Variants in DHRSX observed in about 807,000 individuals in gnomAD.
DHRSX encodes the protein dehydrogenase/reductase X-linked.
A neutral mutation model predicts 34.0 loss-of-function variants in DHRSX; 31 were observed. The ratio of observed to expected loss-of-function variants is 0.91; its 90% confidence interval spans 0.69 to 1.23. DHRSX has a LOEUF of 1.23. DHRSX is among the 50% of genes most tolerant of loss of function. DHRSX has a pLI of 0.00. For synonymous variants in DHRSX, 201 were observed against 183.8 expected (o/e 1.09, Z -0.76); for missense variants, 414 against 428.1 (o/e 0.97, Z 0.29).
chrX:2,222,259 T>C (rs191623665), intron 6 of DHRSX, among the ~76,000 whole-genome samples: 46 of 152,324 alleles, frequency 3.0e-4, no homozygotes, highest in African/African-American at 1.1e-3. Context: ...TCTCATTGCA[T>C]AGGTATGATT....
chrX:2,269,860 G>T (rs1455563040), intron 4 of DHRSX, among the ~76,000 whole-genome samples: 2 of 152,146 alleles, frequency 1.3e-5, no homozygotes. Context: ...TTTATATGGA[G>T]ATATGTATAT....
chrX:2,294,789 G>C (rs2041911772), intron 3 of DHRSX, among the ~76,000 whole-genome samples: 1 of 137,418 alleles, frequency 7.3e-6, no homozygotes, highest in South Asian at 2.4e-4. Context: ...AGAGGAAAAA[G>C]AGAGGGAGAG....
chrX:2,371,658 C>A (rs1472241549), intron 3 of DHRSX, among the ~76,000 whole-genome samples: 1 of 149,716 alleles, frequency 6.7e-6, no homozygotes, highest in South Asian at 2.1e-4. Context: ...CACTCCTCCC[C>A]TTACCATAGT....
chrX:2,500,846 C>G lies in DHRSX; in HGVS notation c.80G>C (p.Arg27Pro). ...GAAVILAQLL[R>P]RCRGGFLEPV... ...CTCCAGGAAGCCCCCGCGGCAGCGC[C>G]GCAGCAGCTGCGCCAGGATCACCGC... The change falls in exon 1 of 7, where the codon CGG becomes CCG. Residue 27 changes from arginine (R) to proline (P), a missense_variant. By Grantham distance (103) the Arg-to-Pro change is moderately radical (BLOSUM62 -2). Coordinates refer to ENST00000334651, the MANE Select transcript of DHRSX (RefSeq NM_145177.3). 2.6e-6 allele frequency: 3 copies of G among 1,152,196 alleles called. No homozygotes were observed. The highest frequency in any genetic ancestry group is 2.1e-6 in the Non-Finnish European group (2 of 932,758). The allele number at this position is 1,152,196 out of a possible 1,614,324, so 71.4% of individuals were successfully genotyped here. A position where few individuals can be genotyped will look rare whatever the true frequency, so the allele number is the denominator to read the frequency against.
intron 5 of DHRSX, among the ~76,000 whole-genome samples, chrX:2,260,882 T>C (rs2041354926): frequency 6.6e-6 from 1 of 152,128 alleles, no homozygotes; most frequent in African/African-American, 2.4e-5. Flanking sequence ...TTATACATAT[T>C]TGGAGTTAGG....
intron 2 of DHRSX, among the ~76,000 whole-genome samples, chrX:2,422,136 A>C (rs2043788055): frequency 6.6e-6 from 1 of 152,256 alleles, no homozygotes. Context: ...ACTGAGACAA[A>C]TTCATGTTGA....
intron 3 of DHRSX, among the ~76,000 whole-genome samples, chrX:2,321,797 C>T (rs1016675893): frequency 6.6e-6 from 1 of 152,062 alleles, no homozygotes; most frequent in Non-Finnish European, 1.5e-5. Context: ...TTTTCTTCTA[C>T]CTCTGCCACC....
intron 1 of DHRSX, among the ~76,000 whole-genome samples, chrX:2,494,501 G>A (rs894915645): frequency 2.6e-5 from 4 of 151,660 alleles, no homozygotes; most frequent in African/African-American, 9.7e-5. Context: ...CTGTAGTAAA[G>A]GTTTATATTC....
intron 3 of DHRSX, among the ~76,000 whole-genome samples, chrX:2,314,937 C>G (rs1298967363): frequency 6.6e-6 from 1 of 152,054 alleles, no homozygotes; most frequent in Non-Finnish European, 1.5e-5. Context: ...GCGAGGGAAT[C>G]ACCTGAGGTC....
chrX:2,459,568 AT>A (rs2044371778), intron 1 of DHRSX, among the ~76,000 whole-genome samples: 1 of 148,342 alleles, frequency 6.7e-6, no homozygotes, highest in Non-Finnish European at 1.5e-5. Flanking sequence ...ATATATATAT[AT>A]ATATATATAT....
rs764805899 is a variant in DHRSX at position 2,469,195 on chromosome X, G to T, written c.109+31622C>A. On this transcript the variant is annotated intron_variant, in intron 1 of 6. Transcript: ENST00000334651. The stretch of plus-strand genomic sequence containing the variant: ...TTCCCTAAGAATGCAGCCAAGGGAC[G>T]GCACTGAAGACTCGTTCCCTAGGCA... 1.2e-4 allele frequency among the ~76,000 whole-genome samples: 18 copies of T among 150,916 alleles called. No homozygotes were observed. In the South Asian group the frequency reaches 3.4e-3, roughly 28 times the overall value.
intron 1 of DHRSX, among the ~76,000 whole-genome samples, chrX:2,437,372 G>A (rs1274607366): frequency 3.9e-5 from 6 of 152,116 alleles, no homozygotes; most frequent in African/African-American, 9.7e-5. Context: ...TTGGGAGGCC[G>A]AGGTAGAAAA....
intron 3 of DHRSX, among the ~76,000 whole-genome samples, chrX:2,378,362 T>C (rs1252306484): frequency 6.6e-6 from 1 of 152,170 alleles, no homozygotes. Flanking sequence ...CAGTGGACCC[T>C]TGAACACCAC....
intron 1 of DHRSX, among the ~76,000 whole-genome samples, chrX:2,440,941 A>G (rs940904368): frequency 6.6e-6 from 1 of 152,184 alleles, no homozygotes; most frequent in African/African-American, 2.4e-5. Flanking sequence ...CAACGCTGTA[A>G]CCAGCCCTGT....
At chrX:2,421,654 T>C (rs1485713725) in intron 2 of DHRSX, among the ~76,000 whole-genome samples, 1 of 152,010 alleles carries the variant, frequency 6.6e-6, no homozygotes, top group Non-Finnish European at 1.5e-5. Context: ...TAAATGAAGA[T>C]GAGAAAACAC....
At chrX:2,429,225 TAA>T (rs1191578805) in intron 1 of DHRSX, among the ~76,000 whole-genome samples, 1 of 152,072 alleles carries the variant, frequency 6.6e-6, no homozygotes, top group Non-Finnish European at 1.5e-5. Context: ...CTTAATTTAC[TAA>T]GTTTATTTTA....
chrX:2,245,453 C>T (rs374619407), intron 5 of DHRSX, among the ~76,000 whole-genome samples: 21 of 151,874 alleles, frequency 1.4e-4, no homozygotes, highest in African/African-American at 4.6e-4. Flanking sequence ...GGATTACCAG[C>T]GCCCGCCACC....
chrX:2,458,450 A>G (rs28645921), intron 1 of DHRSX, among the ~76,000 whole-genome samples: 34,948 of 152,074 alleles, frequency 0.23, 4,544 homozygotes, highest in African/African-American at 0.32. Context: ...ATCAACAGAT[A>G]AGTGCATCAA....
chrX:2,371,647 A>C (rs1456189407), intron 3 of DHRSX, among the ~76,000 whole-genome samples: 1 of 141,052 alleles, frequency 7.1e-6, no homozygotes, highest in African/African-American at 2.7e-5. Context: ...ACCATAGTCC[A>C]CACTCCTCCC....
Sources: allele counts gnomAD v4.1 joint callset (sites outside exome capture counted in the v4.1 genomes callset), GRCh38; gene constraint gnomAD v4.1.1; transcripts MANE v1.5; gene names NCBI Gene and HGNC (gene_info 2026-07-23, HGNC 2026-07-21).